Variants in SNX18 observed in about 807,000 individuals in gnomAD.
SNX18 encodes sorting nexin 18, also known as sorting nexin-18.
A neutral mutation model predicts 48.7 loss-of-function variants in SNX18; 35 were observed. The observed-to-expected ratio is 0.72, with a 90% CI of 0.55 to 0.95. SNX18 has a LOEUF of 0.95. Among genes scored for constraint, SNX18 ranks in the 40% least tolerant of loss-of-function variants. SNX18 has a pLI of 0.00. For missense variants in SNX18, 824 were observed against 871.0 expected (o/e 0.95, Z 0.68); for synonymous variants, 492 against 384.7 (o/e 1.28, Z -3.26).
At chr5:54,604,043 T>C in the SNX18 span, among the ~76,000 whole-genome samples, 2 of 152,196 alleles carry the variant, frequency 1.3e-5, no homozygotes, top group Admixed American at 1.3e-4. Context: ...CCAAATATTG[T>C]TCAAGGTACT....
At chr5:54,541,351 T>A (rs185339520) in intron 1 of SNX18, among the ~76,000 whole-genome samples, 34 of 152,318 alleles carry the variant, frequency 2.2e-4, no homozygotes, top group Non-Finnish European at 4.3e-4. Context: ...CAACTTCAAT[T>A]TCTGTATATG....
At chr5:54,569,870 G>A in the SNX18 span, among the ~76,000 whole-genome samples, 2 of 152,116 alleles carry the variant, frequency 1.3e-5, no homozygotes, top group Non-Finnish European at 2.9e-5. Flanking sequence ...TCATGGGGAG[G>A]GGGCAAGATC....
chr5:54,584,385 G>T, the SNX18 span, among the ~76,000 whole-genome samples: 7 of 152,106 alleles, frequency 4.6e-5, no homozygotes, highest in East Asian at 7.8e-4. Context: ...TCCCATGGCT[G>T]CTTGGGTTTA....
rs992828710 is a variant in SNX18, at chr5:54,523,151, C to T, written c.1621+3578C>T. On this transcript the variant is annotated intron_variant, in intron 1 of 1. Transcript: ENST00000381410. ...AGATGTTTGTCACTGACATGTAACC[C>T]CTGTGGTCTTGATTTTTTTTTTCTT... is the stretch of plus-strand genomic sequence containing the variant. Among the ~76,000 whole-genome samples, 3 of 152,042 alleles carry T rather than the reference C, an allele frequency of 2.0e-5. No individual in the cohort carries two copies. In the East Asian group the frequency reaches 5.8e-4, roughly 29 times the overall value.
chr5:54,524,400 C>A (rs1006124938), intron 1 of SNX18, among the ~76,000 whole-genome samples: 1 of 152,174 alleles, frequency 6.6e-6, no homozygotes, highest in Non-Finnish European at 1.5e-5. Flanking sequence ...ACCCTCCTCC[C>A]AGTAACTCAG....
At chr5:54,615,421 ACTCT>A in the SNX18 span, among the ~76,000 whole-genome samples, 1 of 135,858 alleles carries the variant, frequency 7.4e-6, no homozygotes, top group Non-Finnish European at 1.8e-5. Context: ...ATGCATTCCT[ACTCT>A]CTTTTAAAAA....
chr5:54,534,392 A>G (rs1017859934), intron 1 of SNX18, among the ~76,000 whole-genome samples: 17 of 152,014 alleles, frequency 1.1e-4, no homozygotes, highest in African/African-American at 4.1e-4. Flanking sequence ...CAAGGACTGG[A>G]TGGGGTTGGA....
chr5:54,591,326 T>G, the SNX18 span, among the ~76,000 whole-genome samples: 3,644 of 152,198 alleles, frequency 0.024, 139 homozygotes, highest in African/African-American at 0.081. Flanking sequence ...ACTACAGGCC[T>G]GCTGTACATC....
At chr5:54,575,611 G>A in the SNX18 span, among the ~76,000 whole-genome samples, 3 of 151,838 alleles carry the variant, frequency 2.0e-5, no homozygotes, top group Non-Finnish European at 2.9e-5. Context: ...TGATCTGCCC[G>A]CCTCGGCCTC....
chr5:54,527,673 C>T (rs1221485933), intron 1 of SNX18, among the ~76,000 whole-genome samples: 4 of 152,082 alleles, frequency 2.6e-5, no homozygotes, highest in Non-Finnish European at 5.9e-5. Flanking sequence ...GGATTGTAGT[C>T]CTTTTGTGAA....
chr5:54,610,259 CT>C, the SNX18 span, among the ~76,000 whole-genome samples: 1 of 152,178 alleles, frequency 6.6e-6, no homozygotes, highest in Non-Finnish European at 1.5e-5. Flanking sequence ...TGACACCACC[CT>C]TGTGTCACAT....
chr5:54,631,507 C>G, the SNX18 span, among the ~76,000 whole-genome samples: 30 of 152,288 alleles, frequency 2.0e-4, no homozygotes, highest in Non-Finnish European at 3.2e-4. Flanking sequence ...GTCCACATGA[C>G]GAGTTTATTC....
chr5:54,530,501 T>G (rs887713592), intron 1 of SNX18, among the ~76,000 whole-genome samples: 1 of 152,058 alleles, frequency 6.6e-6, no homozygotes, highest in South Asian at 2.1e-4. Context: ...TGTTAGAAAA[T>G]TGACTTATTC....
the SNX18 span, among the ~76,000 whole-genome samples, chr5:54,614,476 T>G: frequency 0.019 from 2,914 of 152,306 alleles, 95 homozygotes; most frequent in African/African-American, 0.066. Context: ...AATATACATG[T>G]TCTTTCTAAG....
chr5:54,587,405 A>C, the SNX18 span, among the ~76,000 whole-genome samples: 1 of 152,202 alleles, frequency 6.6e-6, no homozygotes, highest in Non-Finnish European at 1.5e-5. Context: ...AGGCAAAGAC[A>C]TAATCTATTG....
intron 1 of SNX18, among the ~76,000 whole-genome samples, chr5:54,533,493 T>C (rs1762288299): frequency 6.6e-6 from 1 of 152,174 alleles, no homozygotes; most frequent in East Asian, 1.9e-4. Flanking sequence ...TTGAGGCCGA[T>C]CTATGGGGCT....
the SNX18 span, among the ~76,000 whole-genome samples, chr5:54,600,041 G>T: frequency 6.6e-6 from 1 of 152,070 alleles, no homozygotes; most frequent in South Asian, 2.1e-4. Flanking sequence ...AGAGTGAACA[G>T]GCAACAAACA....
the SNX18 span, among the ~76,000 whole-genome samples, chr5:54,600,622 A>T: frequency 0.38 from 57,304 of 152,068 alleles, 10,951 homozygotes; most frequent in South Asian, 0.56. Context: ...ATGTGGTATA[A>T]ATATACCATG....
chr5:54,535,293 G>A (rs1478618628), intron 1 of SNX18, among the ~76,000 whole-genome samples: 3 of 152,094 alleles, frequency 2.0e-5, no homozygotes, highest in African/African-American at 4.8e-5. Context: ...TAGGACATTC[G>A]ATTTCTCTGG....
Sources: gnomAD v4.1 joint callset for allele counts (sites outside exome capture counted in the v4.1 genomes callset) on GRCh38, gnomAD v4.1.1 for gene constraint, MANE v1.5 for transcripts, NCBI Gene and HGNC (gene_info 2026-07-23, HGNC 2026-07-21) for gene names.